The following RFX8 variants were observed in gnomAD, a reference collection of about 807,000 sequenced individuals.
RFX8 encodes DNA-binding protein RFX8.
Under a neutral mutation model 54.6 loss-of-function variants are expected in RFX8, and 46 were observed. The ratio of observed to expected loss-of-function variants is 0.84; its 90% CI spans 0.67 to 1.08. The LOEUF is 1.08. RFX8 is among the 50% of genes least tolerant of loss of function. The pLI, the probability that RFX8 is intolerant of heterozygous loss-of-function variation, is 0.00. For missense variants in RFX8, 536 were observed against 562.3 expected (o/e 0.95, Z 0.47); for synonymous variants, 192 against 209.5 (o/e 0.92, Z 0.72).
intron 2 of RFX8, among the ~76,000 whole-genome samples, chr2:101,456,177 C>T (rs1688953385): frequency 6.6e-6 from 1 of 152,194 alleles, no homozygotes; most frequent in Non-Finnish European, 1.5e-5. Flanking sequence ...ATTTGACTTC[C>T]TCTTTTCCTA....
intron 2 of RFX8, among the ~76,000 whole-genome samples, chr2:101,452,026 C>G (rs7572882): frequency 0.35 from 52,356 of 151,132 alleles, 9,668 homozygotes; most frequent in African/African-American, 0.44. Context: ...CCAGGGGCTT[C>G]AGGCTGCAGT....
intron 2 of RFX8, among the ~76,000 whole-genome samples, chr2:101,446,562 T>G (rs1248152147): frequency 6.6e-6 from 1 of 152,152 alleles, no homozygotes; most frequent in Non-Finnish European, 1.5e-5. Flanking sequence ...CCGATGTCAC[T>G]CTTGCCTTTA....
At position 101,402,518 on chromosome 2, in the gene RFX8, C is replaced by T. The variant is rs1442685754; in HGVS notation, c.1163G>A (p.Gly388Asp). The change falls in exon 11 of 12, where the codon GGC becomes GAC. Residue 388 changes from glycine (G) to aspartate (D), a missense_variant. Physicochemically the swap from Gly to Asp is moderately conservative, Grantham distance 94. Transcript: ENST00000428343. ...CACACCCACGGGATATCGGCCCTGGCCCATGTGTGTGGGCATCACCCCCAG... is the reference window on the plus strand; with the variant it reads ...CACACCCACGGGATATCGGCCCTGGTCCATGTGTGTGGGCATCACCCCCAG... ...EPLGVMPTHM[G>D]QGRYPVGVSN... The T allele has an allele frequency of 6.4e-7, 1 of 1,551,822 alleles. No homozygotes were observed.
At chr2:101,445,693 G>C (rs1688338149) in intron 2 of RFX8, among the ~76,000 whole-genome samples, 1 of 152,112 alleles carries the variant, frequency 6.6e-6, no homozygotes, top group Non-Finnish European at 1.5e-5. Flanking sequence ...GCCTCCCAAA[G>C]TGCTGGGATT....
intron 5 of RFX8, among the ~76,000 whole-genome samples, chr2:101,418,225 T>C (rs1314209514): frequency 1.3e-5 from 2 of 152,206 alleles, no homozygotes; most frequent in Non-Finnish European, 2.9e-5. Context: ...CTGATTCAAG[T>C]ATTTTTTTAA....
chr2:101,426,834 C>T (rs937195728), intron 2 of RFX8, among the ~76,000 whole-genome samples: 2 of 152,146 alleles, frequency 1.3e-5, no homozygotes, highest in African/African-American at 4.8e-5. Flanking sequence ...GACTTTGATC[C>T]TTCCTGAATC....
chr2:101,437,709 A>G (rs377163156), intron 2 of RFX8, among the ~76,000 whole-genome samples: 2 of 152,364 alleles, frequency 1.3e-5, no homozygotes, highest in East Asian at 3.9e-4. Flanking sequence ...TACATTTTAC[A>G]AAAACTGTGG....
At chr2:101,432,792 G>C (rs911453469) in intron 2 of RFX8, among the ~76,000 whole-genome samples, 5 of 152,214 alleles carry the variant, frequency 3.3e-5, no homozygotes, top group African/African-American at 4.8e-5. Flanking sequence ...AGTCCAAAAG[G>C]CGTCTTCTCC....
chr2:101,424,182 C>A (rs1323375025), intron 2 of RFX8, among the ~76,000 whole-genome samples: 1 of 152,176 alleles, frequency 6.6e-6, no homozygotes, highest in Non-Finnish European at 1.5e-5. Context: ...CTCATTCACA[C>A]CACACTTTAC....
intron 2 of RFX8, among the ~76,000 whole-genome samples, chr2:101,427,871 C>T (rs549503973): frequency 6.6e-6 from 1 of 152,294 alleles, no homozygotes; most frequent in East Asian, 1.9e-4. Flanking sequence ...CCCATTCAGC[C>T]CTCAAGAAGG....
At position 101,422,388 on chromosome 2, in the gene RFX8, G is replaced by A. The variant is rs1280110438; in HGVS notation, c.157C>T (p.Gln53Ter). ...ATATTACAGGAGTATTTCTTTGCCTGTTCTTGCTCCAGAAATGGACATCTC... is the reference window on the plus strand; with the variant it reads ...ATATTACAGGAGTATTTCTTTGCCTATTCTTGCTCCAGAAATGGACATCTC... ...FRRCPFLEQEQAKKYSCNMMA... is the reference protein window; with the variant it reads ...FRRCPFLEQE The change falls in exon 3 of 12, where the codon CAG (glutamine) becomes TAG (stop). Residue 53 changes from glutamine (Q) to a stop codon, truncating the protein, a stop_gained. Transcript: ENST00000428343. LOFTEE classifies it high-confidence loss of function. 6.5e-7 allele frequency: 1 copy of A among 1,542,656 alleles called. No homozygotes were observed. Among genetic ancestry groups the A allele is most frequent in the Non-Finnish European group, 8.8e-7 (1 of 1,138,670 alleles).
At chr2:101,441,171 C>A (rs995943389) in intron 2 of RFX8, among the ~76,000 whole-genome samples, 2 of 152,080 alleles carry the variant, frequency 1.3e-5, no homozygotes, top group Admixed American at 1.3e-4. Flanking sequence ...GGGGTTTCAC[C>A]GTGTTAGCCA....
intron 2 of RFX8, among the ~76,000 whole-genome samples, chr2:101,440,439 A>C (rs1313388692): frequency 1.3e-5 from 2 of 152,222 alleles, no homozygotes; most frequent in African/African-American, 2.4e-5. Context: ...TGCTAGACAT[A>C]GGGTGCTTAT....
chr2:101,466,274 T>G (rs1689568146), intron 2 of RFX8, among the ~76,000 whole-genome samples: 1 of 145,600 alleles, frequency 6.9e-6, no homozygotes, highest in Non-Finnish European at 1.5e-5. Context: ...ACGCCATTGC[T>G]GTAGCCTGGG....
intron 4 of RFX8, 71 bp downstream of exon 4, chr2:101,421,653 A>G (rs1392606428): frequency 6.6e-7 from 1 of 1,504,400 alleles, no homozygotes; most frequent in Non-Finnish European, 8.9e-7. Flanking sequence ...AATAAAAATG[A>G]TTAATAAGGA....
At chr2:101,417,432 C>G in intron 6 of RFX8, 102 bp downstream of exon 6, 1 of 1,114,208 alleles carries the variant, frequency 9.0e-7, no homozygotes, top group South Asian at 1.7e-5. Context: ...TCTCAAACTC[C>G]TGGCCTCAAG....
intron 2 of RFX8, among the ~76,000 whole-genome samples, chr2:101,451,469 T>C (rs10190868): frequency 0.98 from 149,381 of 152,038 alleles, 73,499 homozygotes; most frequent in Middle Eastern, 1. Context: ...GGGTGGATCA[T>C]CTGAGGTCAG....
intron 2 of RFX8, 80 bp from the exon 3 acceptor site, chr2:101,422,552 T>C: frequency 1.3e-6 from 1 of 787,256 alleles, no homozygotes; most frequent in Non-Finnish European, 2.2e-6. Flanking sequence ...ATGATCACAC[T>C]ACTATAAGTT....
intron 6 of RFX8, 128 bp from the exon 7 acceptor site, chr2:101,415,040 C>A (rs935700486): frequency 3.0e-6 from 2 of 664,696 alleles, no homozygotes; most frequent in African/African-American, 1.8e-5. Flanking sequence ...CCCCCACCCC[C>A]GTGTCTGCTG....
Sources: allele counts gnomAD v4.1 joint callset (sites outside exome capture counted in the v4.1 genomes callset), GRCh38; gene constraint gnomAD v4.1.1; transcripts MANE v1.5; gene names NCBI Gene and HGNC (gene_info 2026-07-23, HGNC 2026-07-21).